Variants in C5orf22 observed in about 807,000 individuals in gnomAD.
C5orf22 encodes UPF0489 protein C5orf22.
A neutral mutation model predicts 48.7 loss-of-function variants in C5orf22; 36 were observed. That is an observed-to-expected ratio of 0.74 (90% CI 0.57 to 0.98). The LOEUF (loss-of-function observed/expected upper bound fraction) is 0.98, where lower values mean the gene tolerates loss of function less well. Ranked by LOEUF, C5orf22 falls within the 50% of genes least tolerant of loss-of-function variation. C5orf22 has a pLI of 0.00. For synonymous variants in C5orf22, 141 were observed against 180.8 expected (o/e 0.78, Z 1.76); for missense variants, 486 against 521.9 (o/e 0.93, Z 0.67).
intron 8 of C5orf22, 75 bp from the exon 9 acceptor site, chr5:31,552,698 A>ACACATG: frequency 7.6e-7 from 1 of 1,310,818 alleles, no homozygotes; most frequent in Non-Finnish European, 1.1e-6. Context: ...ATTGAAATGA[A>ACACATG]CACATGCAGC....
intron 3 of C5orf22, 130 bp downstream of exon 3, chr5:31,536,023 C>G (rs1336889685): frequency 1.1e-5 from 9 of 814,708 alleles, no homozygotes; most frequent in Non-Finnish European, 1.7e-5. Context: ...CCAAAGAGTT[C>G]TCAAAACACG....
intron 2 of C5orf22, 49 bp downstream of exon 2, chr5:31,534,466 C>G (rs1295582419): frequency 6.6e-7 from 1 of 1,508,766 alleles, no homozygotes; most frequent in Non-Finnish European, 9.0e-7. Context: ...GTACAATTTG[C>G]AGTAGATAAT....
At chr5:31,551,502 TG>T (rs1185589961) in intron 8 of C5orf22, 70 bp downstream of exon 8, 2 of 1,216,160 alleles carry the variant, frequency 1.6e-6, no homozygotes, top group East Asian at 4.7e-5. Context: ...CCTGTGAATA[TG>T]TTACATTATA....
intron 1 of C5orf22, among the ~76,000 whole-genome samples, chr5:31,532,724 A>G (rs563944731): frequency 2.0e-5 from 3 of 151,978 alleles, no homozygotes; most frequent in Admixed American, 6.6e-5. Context: ...AGAACCAAAC[A>G]AAAGGTGGCA....
chr5:31,538,305 A>T lies in C5orf22; in HGVS notation c.423A>T (p.Val141=), dbSNP rs573402346. 1.6e-5 allele frequency: 26 copies of T among 1,613,814 alleles called. No individual in the cohort carries two copies. The South Asian group carries it at 2.6e-4, about 16-fold the overall frequency. The change falls in exon 4 of 9, where the codon GTA becomes GTT. Residue 141 remains valine (V), a synonymous_variant. Coordinates refer to ENST00000325366, the MANE Select transcript of C5orf22 (RefSeq NM_018356.3). ...DHYFLSDGLY[V]PEDQLENQKP... is the part of the protein sequence containing the mutation. ...ATTTCCTAAGTGATGGTCTGTATGT[A>T]CCTGAAGACCAGCTAGAGAACCAAA... is the stretch of plus-strand genomic sequence containing the variant.
At position 31,554,475 on chromosome 5, in the gene C5orf22, G is replaced by C. The variant is rs1021441402; in HGVS notation, c.*1573G>C. On this transcript the variant is annotated 3_prime_UTR_variant, in exon 9 of 9. Transcript: ENST00000325366. Reference sequence around the variant, plus strand: ...ATGCTTATTTGTGCTGTGAAAAGCAGAGCAGCCTGACTCAGCTTTCCATTT... The same window carrying C: ...ATGCTTATTTGTGCTGTGAAAAGCACAGCAGCCTGACTCAGCTTTCCATTT... 2.0e-5 allele frequency: 3 copies of C among 152,328 alleles called. No homozygotes were observed. In the East Asian group the frequency reaches 5.8e-4, roughly 29 times the overall value. The allele number at this position is 152,328 out of a possible 1,614,324, so 9.4% of individuals were successfully genotyped here.
rs1743482356 is a variant in C5orf22 at position 31,554,565 on chromosome 5, C to G, written c.*1663C>G. 1 of 152,108 alleles carries G rather than the reference C, an allele frequency of 6.6e-6. No individual in the cohort carries two copies. Among genetic ancestry groups the G allele is most frequent in the Non-Finnish European group, 1.5e-5 (1 of 68,016 alleles). 9.4% of individuals were successfully genotyped at this position (152,108 alleles called of 1,614,324 possible). ...GTAAAATCAGAATTGTAGAATTGTG[C>G]TATTTTTAATTTTTAAAATTTTTGG... On this transcript the variant is annotated 3_prime_UTR_variant, in exon 9 of 9. Coordinates refer to ENST00000325366, the MANE Select transcript of C5orf22 (RefSeq NM_018356.3).
At chr5:31,542,034 C>T (rs892697525) in intron 6 of C5orf22, among the ~76,000 whole-genome samples, 1 of 152,092 alleles carries the variant, frequency 6.6e-6, no homozygotes, top group African/African-American at 2.4e-5. Flanking sequence ...ATATGAGATA[C>T]TATACAAGGT....
rs1297545587 is a variant in C5orf22 at position 31,539,104 on chromosome 5, G to T, written c.807+415G>T. 2.0e-5 allele frequency among the ~76,000 whole-genome samples: 3 copies of T among 151,990 alleles called. No individual in the cohort carries two copies. The East Asian group carries it at 5.8e-4, about 29-fold the overall frequency. The stretch of plus-strand genomic sequence containing the variant: ...ATTCAGAAAAAATAAAAAACAACTA[G>T]AAATAACAATACAAGAGTAAAAAAT... On this transcript the variant is annotated intron_variant, in intron 4 of 8. Transcript: ENST00000325366.
chr5:31,546,765 C>A (rs756632948), intron 7 of C5orf22, among the ~76,000 whole-genome samples: 9 of 152,092 alleles, frequency 5.9e-5, no homozygotes, highest in Non-Finnish European at 1.2e-4. Context: ...AAAGACCCAC[C>A]CCTACAATTC....
At chr5:31,549,320 G>T (rs1043810870) in intron 7 of C5orf22, among the ~76,000 whole-genome samples, 1 of 152,176 alleles carries the variant, frequency 6.6e-6, no homozygotes, top group Non-Finnish European at 1.5e-5. Context: ...CTCCCACCAG[G>T]TTTCTCCCAT....
chr5:31,532,318 C>G lies in C5orf22; in HGVS notation c.-75C>G, dbSNP rs563401159. ...GCGCTTCCGCCCGGAGAGAGCTGGC[C>G]GGGATGAGGCGCCGGCTTTCCCGGG... On this transcript the variant is annotated 5_prime_UTR_variant, in exon 1 of 9. Coordinates refer to ENST00000325366, the MANE Select transcript of C5orf22 (RefSeq NM_018356.3). The G allele has an allele frequency of 1.1e-5, 16 of 1,481,052 alleles. No individual in the cohort carries two copies. The African/African-American group carries it at 1.1e-4, about 10-fold the overall frequency. The allele number at this position is 1,481,052 out of a possible 1,614,324, so 91.7% of individuals were successfully genotyped here.
rs181850521 is a variant in C5orf22, at chr5:31,538,905, G to A, written c.807+216G>A. ...GCCATACACAAACAGGCTATAGGCTGTGGATTGCCAACTCCTGCTCTAGAT... is the reference window on the plus strand; with the variant it reads ...GCCATACACAAACAGGCTATAGGCTATGGATTGCCAACTCCTGCTCTAGAT... On this transcript the variant is annotated intron_variant, in intron 4 of 8. Coordinates refer to ENST00000325366, the MANE Select transcript of C5orf22 (RefSeq NM_018356.3). Among the ~76,000 whole-genome samples, 12 of 152,288 alleles carry A rather than the reference G, an allele frequency of 7.9e-5. No homozygotes were observed. In the East Asian group the frequency reaches 2.3e-3, roughly 29 times the overall value.
At chr5:31,545,053 A>G (rs1319294036) in intron 6 of C5orf22, among the ~76,000 whole-genome samples, 2 of 150,594 alleles carry the variant, frequency 1.3e-5, no homozygotes, top group African/African-American at 4.9e-5. Context: ...TTTTCTTGCT[A>G]ATCAAAATAA....
chr5:31,554,541 T>C lies in C5orf22; in HGVS notation c.*1639T>C, dbSNP rs1462316767. The stretch of plus-strand genomic sequence containing the variant: ...TGCCAAAAAAGGTTTATTTTCTTGG[T>C]AAAATCAGAATTGTAGAATTGTGCT... On this transcript the variant is annotated 3_prime_UTR_variant, in exon 9 of 9. Transcript: ENST00000325366. 6.6e-6 allele frequency: 1 copy of C among 152,236 alleles called. No homozygotes were observed. Among genetic ancestry groups the C allele is most frequent in the Non-Finnish European group, 1.5e-5 (1 of 68,040 alleles). 9.4% of individuals were successfully genotyped at this position (152,236 alleles called of 1,614,324 possible).
At chr5:31,547,196 C>T (rs1479044320) in intron 7 of C5orf22, among the ~76,000 whole-genome samples, 1 of 152,272 alleles carries the variant, frequency 6.6e-6, no homozygotes, top group Admixed American at 6.5e-5. Flanking sequence ...TCGTCTTTGA[C>T]TCCATGTCTC....
Position 31,547,271 on chromosome 5 carries a change from CT to C in C5orf22, c.1059+1562del, listed in dbSNP as rs552136182. 1.9e-3 allele frequency among the ~76,000 whole-genome samples: 287 copies of C among 152,354 alleles called. 2 individuals are homozygous for C. The highest frequency in any genetic ancestry group is 6.6e-3 in the African/African-American group (273 of 41,586). On this transcript the variant is annotated intron_variant, in intron 7 of 8. Coordinates refer to ENST00000325366, the MANE Select transcript of C5orf22 (RefSeq NM_018356.3). ...GTCTTGGGCAGTTCTGCCCCTGTGG[CT>C]TTGCGGGATACAACCTCCCTCCTGG... is the stretch of plus-strand genomic sequence containing the variant.
At position 31,551,324 on chromosome 5, in the gene C5orf22, C is replaced by T. The variant is rs1743249121; in HGVS notation, c.1091C>T (p.Ser364Leu). ...CAGGCTGGTTTAACCTGCGATTATT[C>T]AGAACTTCCTCACCATATCAGCACA... ...VHQAGLTCDY[S>L]ELPHHISTEQ... The change falls in exon 8 of 9, where the codon TCA becomes TTA. Residue 364 changes from serine to leucine, a missense_variant. Around this residue, in one of 3 missense-constraint regions of C5orf22, gnomAD observed 408 missense variants for 444.0 expected, o/e 0.92. Coordinates refer to ENST00000325366, the MANE Select transcript of C5orf22 (RefSeq NM_018356.3). 1.2e-6 allele frequency: 2 copies of T among 1,613,192 alleles called. No homozygotes were observed. Among genetic ancestry groups the T allele is most frequent in the Non-Finnish European group, 1.7e-6 (2 of 1,179,508 alleles).
At chr5:31,549,252 C>T (rs971756438) in intron 7 of C5orf22, among the ~76,000 whole-genome samples, 5 of 152,042 alleles carry the variant, frequency 3.3e-5, no homozygotes, top group African/African-American at 7.2e-5. Flanking sequence ...TGTCAGATCT[C>T]CTGATACTCA....
Sources: gnomAD v4.1 joint callset for allele counts (sites outside exome capture counted in the v4.1 genomes callset) on GRCh38, gnomAD v4.1.1 for gene constraint, gnomAD v4.1.1 regional missense constraint, MANE v1.5 for transcripts, NCBI Gene and HGNC (gene_info 2026-07-23, HGNC 2026-07-21) for gene names.